The following BCL6 variants were observed in gnomAD, a reference collection of about 807,000 sequenced individuals.
BCL6 encodes B-cell lymphoma 6 protein.
BCL6 carries 7 observed loss-of-function variants against 59.5 expected under a neutral mutation model. That is an observed-to-expected ratio of 0.12 (90% CI 0.07 to 0.22). BCL6 has a LOEUF of 0.22. BCL6 is among the 10% of genes least tolerant of loss of function. The probability of loss-of-function intolerance (pLI) is 1.00; values close to 1 mark genes in which losing one functional copy is unlikely to be tolerated. For missense variants in BCL6, 685 were observed against 939.4 expected, an observed-to-expected ratio of 0.73 and a Z score of 3.54; for synonymous variants, 339 against 349.7, an observed-to-expected ratio of 0.97 and a Z score of 0.34.
intron 3 of BCL6, 31 bp from the exon 4 acceptor site, chr3:187,731,961 A>C: frequency 6.4e-7 from 1 of 1,568,924 alleles, no homozygotes; most frequent in Non-Finnish European, 8.8e-7. Context: ...CCACTATAGT[A>C]GACATATCGA....
At chr3:187,739,460 C>T (rs999343261) in intron 1 of BCL6, among the ~76,000 whole-genome samples, 2 of 152,090 alleles carry the variant, frequency 1.3e-5, no homozygotes, top group Non-Finnish European at 2.9e-5. Context: ...GTGCAGGAGA[C>T]GACAGTAAAT....
intron 1 of BCL6, chr3:187,738,093 C>T (rs1719376526): frequency 6.6e-6 from 1 of 152,214 alleles, no homozygotes; most frequent in African/African-American, 2.4e-5. Flanking sequence ...TCCCACCTCT[C>T]ACCCACAACA....
rs747970841 is a variant in BCL6, at chr3:187,729,014, C to A, written c.1355+36G>T. ...ACGACATGGAACCCTGCCCAGGTAA[C>A]CCCTGACCTCAGACCCAGACAGTCT... On this transcript the variant is annotated intron_variant, in intron 5 of 9. Coordinates refer to ENST00000406870, the MANE Select transcript of BCL6 (RefSeq NM_001706.5). The surrounding 1 kb of genome is among the most constrained non-coding windows in gnomAD (Gnocchi z 5.6). The A allele has an allele frequency of 7.3e-6, 11 of 1,511,968 alleles. No homozygotes were observed. Among genetic ancestry groups the A allele is most frequent in the Admixed American group, 2.3e-5 (1 of 43,874 alleles). The allele number at this position is 1,511,968 out of a possible 1,614,324, so 93.7% of individuals were successfully genotyped here.
rs1248750251 is a variant in BCL6 at position 187,724,986 on chromosome 3, A to C, written c.1932T>G (p.Thr644=). 1.9e-6 allele frequency: 3 copies of C among 1,614,028 alleles called. No homozygotes were observed. The highest frequency in any genetic ancestry group is 2.5e-6 in the Non-Finnish European group (3 of 1,180,026). The change falls in exon 9 of 10, where the codon ACT becomes ACG. Residue 644 remains threonine, a synonymous_variant. Transcript: ENST00000406870. ...ICGTRFRHLQ[T]LKSHLRIHTG... is the part of the protein sequence containing the mutation. ...TGTGGATTCGCAGGTGGCTCTTCAG[A>C]GTCTGAAGGTGCCGGAAACGGGTGC...
rs1718881412 is a variant in BCL6, at chr3:187,729,118, G to T, written c.1287C>A (p.Thr429=). 1 of 1,575,224 alleles carries T rather than the reference G, an allele frequency of 6.3e-7. No homozygotes were observed. ...EPENLDLQSP[T]KLSASGEDST... ...AGTCCTCCCCGCTGGCACTCAGCTT[G>T]GTTGGGGACTGGAGGTCAAGGTTCT... Residue 429 remains threonine, a synonymous_variant, in exon 5 of 10, where the codon ACC becomes ACA. Coordinates refer to ENST00000406870, the MANE Select transcript of BCL6 (RefSeq NM_001706.5). This position sits in a 1 kb window ranked among gnomAD's most constrained non-coding sequence, Gnocchi z 5.6.
At position 187,729,221 on chromosome 3, in the gene BCL6, G is replaced by T. The variant is rs1178677766; in HGVS notation, c.1184C>A (p.Pro395His). 8 of 1,614,058 alleles carry T rather than the reference G, an allele frequency of 5.0e-6. No homozygotes were observed. In the Admixed American group the frequency reaches 1.2e-4, roughly 24 times the overall value. The change falls in exon 5 of 10, where the codon CCT becomes CAT. Residue 395 changes from proline to histidine, a missense_variant. Coordinates refer to ENST00000406870, the MANE Select transcript of BCL6 (RefSeq NM_001706.5). This position sits in a 1 kb window ranked among gnomAD's most constrained non-coding sequence, Gnocchi z 5.6. Reference sequence around the variant, plus strand: ...AAGGCGGCCCAGCTCAGCCTGCTCAGGCCCCTCTGGTTTGGCATTCTGGTT... The same window carrying T: ...AAGGCGGCCCAGCTCAGCCTGCTCATGCCCCTCTGGTTTGGCATTCTGGTT... ...SLNQNAKPEG[P>H]EQAELGRLSP... is the part of the protein sequence containing the mutation.
At chr3:187,734,012 G>A (rs1297776345) in intron 2 of BCL6, among the ~76,000 whole-genome samples, 1 of 152,196 alleles carries the variant, frequency 6.6e-6, no homozygotes, top group Non-Finnish European at 1.5e-5. Flanking sequence ...TAGTGAGTAT[G>A]TTGCAATGGA....
intron 9 of BCL6, 109 bp downstream of exon 9, chr3:187,724,832 G>A (rs1003883090): frequency 6.8e-7 from 1 of 1,463,322 alleles, no homozygotes; most frequent in Admixed American, 2.1e-5. Flanking sequence ...TGAGATGGGA[G>A]CAAACAGTTC....
chr3:187,744,282 G>A (rs1711763819), intron 1 of BCL6, among the ~76,000 whole-genome samples: 2 of 151,992 alleles, frequency 1.3e-5, no homozygotes, highest in East Asian at 1.9e-4. Flanking sequence ...GAGTCCCCCC[G>A]CACACTGAAA....
intron 1 of BCL6, among the ~76,000 whole-genome samples, chr3:187,738,210 C>G (rs1180622426): frequency 6.6e-6 from 1 of 152,134 alleles, no homozygotes; most frequent in Non-Finnish European, 1.5e-5. Context: ...TTGTCCGATT[C>G]CGAAGTTTAT....
chr3:187,728,914 CTCAGA>C, intron 5 of BCL6, 131 bp downstream of exon 5: 1 of 1,235,884 alleles, frequency 8.1e-7, no homozygotes. Context: ...TACTTCCTTA[CTCAGA>C]CTAACTCAAT....
At position 187,726,904 on chromosome 3, in the gene BCL6, G is replaced by A; in HGVS notation, c.1541-6C>T. On this transcript the variant is annotated splice_polypyrimidine_tract_variant and splice_region_variant and intron_variant, in intron 6 of 9. Coordinates refer to ENST00000406870, the MANE Select transcript of BCL6 (RefSeq NM_001706.5). ...GCAGAAGAAGGCCCCGTTCTCTGTT[G>A]GAGGGTGGTAGGGGGACACCAAAGT... 1 of 1,614,036 alleles carries A rather than the reference G, an allele frequency of 6.2e-7. No homozygotes were observed. The highest frequency in any genetic ancestry group is 1.3e-5 in the African/African-American group (1 of 75,052).
chr3:187,726,184 A>G (rs923675930), intron 7 of BCL6, among the ~76,000 whole-genome samples: 88 of 152,144 alleles, frequency 5.8e-4, no homozygotes, highest in African/African-American at 2.1e-3. Context: ...GCTGGATTCC[A>G]TTTGCAAGAG....
Position 187,733,588 on chromosome 3 carries a change from T to C in BCL6, c.106A>G (p.Ile36Val). ...CTAAACTGCTCACGGCTCACAACAATGACAACATCAGTCAAGATGTCTCGA... is the reference window on the plus strand; with the variant it reads ...CTAAACTGCTCACGGCTCACAACAACGACAACATCAGTCAAGATGTCTCGA... The part of the protein sequence containing the change: ...RSRDILTDVV[I>V]VVSREQFRAH... Residue 36 changes from isoleucine (I) to valine (V), a missense_variant, in exon 3 of 10, where the codon ATT (isoleucine) becomes GTT (valine). Transcript: ENST00000406870. The C allele has an allele frequency of 6.2e-7, 1 of 1,614,002 alleles. No individual in the cohort carries two copies. Among genetic ancestry groups the C allele is most frequent in the Non-Finnish European group, 8.5e-7 (1 of 1,179,990 alleles).
In BCL6 at chr3:187,725,463, G is replaced by A. The variant is rs781588369; in HGVS notation, c.1839+36C>T. 4.7e-5 allele frequency: 58 copies of A among 1,233,296 alleles called. No homozygotes were observed. Among genetic ancestry groups the A allele is most frequent in the South Asian group, 2.5e-4 (15 of 59,466 alleles). 76.4% of individuals were successfully genotyped at this position (1,233,296 alleles called of 1,614,324 possible). On this transcript the variant is annotated intron_variant, in intron 8 of 9. Coordinates refer to ENST00000406870, the MANE Select transcript of BCL6 (RefSeq NM_001706.5). This position sits in a 1 kb window ranked among gnomAD's most constrained non-coding sequence, Gnocchi z 4.7. ...CTCCGCTCGCCTGCCCGCTCCGCTCGCCTGCCCGCTCCGCTCGCCTGCCCA... is the reference window on the plus strand; with the variant it reads ...CTCCGCTCGCCTGCCCGCTCCGCTCACCTGCCCGCTCCGCTCGCCTGCCCA...
intron 7 of BCL6, 75 bp downstream of exon 7, chr3:187,726,656 G>A: frequency 6.4e-7 from 1 of 1,561,628 alleles, no homozygotes; most frequent in Non-Finnish European, 8.7e-7. Context: ...GCCCCACACA[G>A]CTTTCTCTAG....
intron 1 of BCL6, chr3:187,737,283 T>G (rs1579823531): frequency 8.2e-6 from 1 of 122,684 alleles, no homozygotes; most frequent in African/African-American, 3.2e-5. Context: ...AGCTTTCCAT[T>G]GAAGAAGAAA....
At chr3:187,743,392 G>GA (rs1286317433) in intron 1 of BCL6, among the ~76,000 whole-genome samples, 1 of 152,014 alleles carries the variant, frequency 6.6e-6, no homozygotes, top group Non-Finnish European at 1.5e-5. Context: ...GTGGTCAGGG[G>GA]CCCTGTGACA....
intron 1 of BCL6, among the ~76,000 whole-genome samples, chr3:187,740,063 G>A (rs756473245): frequency 2.6e-5 from 4 of 152,298 alleles, no homozygotes; most frequent in Middle Eastern, 3.4e-3. Context: ...CGACCCGGGC[G>A]GGGGCGACGG....
Sources: gnomAD v4.1 joint callset for allele counts (sites outside exome capture counted in the v4.1 genomes callset) on GRCh38, gnomAD v4.1.1 for gene constraint, Gnocchi (gnomAD v3.1) non-coding constraint, MANE v1.5 for transcripts, NCBI Gene and HGNC (gene_info 2026-07-23, HGNC 2026-07-21) for gene names.